The following ADAM19 variants were observed in gnomAD, a reference collection of about 807,000 sequenced individuals.
ADAM19 encodes the protein ADAM metallopeptidase domain 19, also known as disintegrin and metalloproteinase domain-containing protein 19.
ADAM19 carries 65 observed loss-of-function variants against 114.7 expected under a neutral mutation model. That is an observed-to-expected ratio of 0.57 (90% CI 0.46 to 0.70). ADAM19 has a LOEUF of 0.70. ADAM19 is among the 30% of genes least tolerant of loss of function. The pLI is 0.00. For missense variants in ADAM19, 1,063 were observed against 1,204.7 expected (o/e 0.88, Z 1.74); for synonymous variants, 466 against 460.5 (o/e 1.01, Z -0.15).
chr5:157,534,603 AG>A (rs1166044114), intron 4 of ADAM19, among the ~76,000 whole-genome samples: 1 of 152,166 alleles, frequency 6.6e-6, no homozygotes, highest in African/African-American at 2.4e-5. Context: ...GGCTGCAGTG[AG>A]CTATGATCAT....
chr5:157,507,721 G>T (rs61516797), intron 9 of ADAM19, among the ~76,000 whole-genome samples: 2,940 of 152,304 alleles, frequency 0.019, 116 homozygotes, highest in African/African-American at 0.067. Flanking sequence ...ATGCAAGAAT[G>T]AGCTGTTTCT....
chr5:157,488,947 G>A (rs1253056262), intron 20 of ADAM19, among the ~76,000 whole-genome samples, 155 bp downstream of exon 20: 2 of 152,248 alleles, frequency 1.3e-5, no homozygotes, highest in Non-Finnish European at 2.9e-5. Context: ...GGAGAATGGC[G>A]TGAACCCTGG....
chr5:157,568,077 G>C (rs896178294), intron 2 of ADAM19: 1 of 151,976 alleles, frequency 6.6e-6, no homozygotes, highest in African/African-American at 2.4e-5. Context: ...CAGGGTTCAA[G>C]CCATTCTCAT....
In ADAM19 at chr5:157,479,424, G is replaced by A. The variant is rs950666836; in HGVS notation, c.*1525C>T. 8.1e-6 allele frequency: 8 copies of A among 985,928 alleles called. No individual in the cohort carries two copies. In the African/African-American group the frequency reaches 1.4e-4, roughly 17 times the overall value. The allele number at this position is 985,928 out of a possible 1,614,324, so 61.1% of individuals were successfully genotyped here. ...GGGAGGAGGCCCCAGGAAAGCCTCAGAGGAGTGAGAGTCAGGCCAGCTCCT... is the reference window on the plus strand; with the variant it reads ...GGGAGGAGGCCCCAGGAAAGCCTCAAAGGAGTGAGAGTCAGGCCAGCTCCT... On this transcript the variant is annotated 3_prime_UTR_variant, in exon 23 of 23. Coordinates refer to ENST00000257527, the MANE Select transcript of ADAM19 (RefSeq NM_033274.5).
At chr5:157,510,300 C>G (rs1755876338) in intron 8 of ADAM19, among the ~76,000 whole-genome samples, 1 of 152,102 alleles carries the variant, frequency 6.6e-6, no homozygotes. Context: ...CATGGAGAAA[C>G]CCCATCTCTA....
At chr5:157,555,635 C>T (rs375258032) in intron 3 of ADAM19, among the ~76,000 whole-genome samples, 9 of 152,304 alleles carry the variant, frequency 5.9e-5, no homozygotes, top group African/African-American at 2.2e-4. Flanking sequence ...GTACTAAGTG[C>T]ATTGTCATAC....
chr5:157,492,023 G>A, intron 16 of ADAM19, 111 bp from the exon 17 acceptor site: 1 of 988,996 alleles, frequency 1.0e-6, no homozygotes, highest in South Asian at 1.4e-5. Context: ...CCGGCCTGGT[G>A]GCTCACGCCT....
chr5:157,530,928 G>A, intron 4 of ADAM19, 45 bp from the exon 5 acceptor site: 1 of 1,505,918 alleles, frequency 6.6e-7, no homozygotes, highest in Non-Finnish European at 9.2e-7. Context: ...ACACTGATAA[G>A]CATGGCAATG....
chr5:157,556,065 G>A (rs1215508995), intron 3 of ADAM19, among the ~76,000 whole-genome samples: 2 of 152,176 alleles, frequency 1.3e-5, no homozygotes, highest in Non-Finnish European at 2.9e-5. Context: ...TGTTTGAGAC[G>A]GAGTCTCGCT....
chr5:157,479,254 T>C lies in ADAM19; in HGVS notation c.*1695A>G. 1.0e-6 allele frequency: 1 copy of C among 985,874 alleles called. No individual in the cohort carries two copies. Among genetic ancestry groups the C allele is most frequent in the Non-Finnish European group, 1.2e-6 (1 of 829,932 alleles). 61.1% of individuals were successfully genotyped at this position (985,874 alleles called of 1,614,324 possible). On this transcript the variant is annotated 3_prime_UTR_variant, in exon 23 of 23. Coordinates refer to ENST00000257527, the MANE Select transcript of ADAM19 (RefSeq NM_033274.5). ...TCCCCCAGGGGTACATCCCGTATTT[T>C]CCACTTATTTCCAAACCCAAGAACA...
chr5:157,557,615 C>A (rs1051661888), intron 3 of ADAM19, among the ~76,000 whole-genome samples: 1 of 152,162 alleles, frequency 6.6e-6, no homozygotes, highest in African/African-American at 2.4e-5. Context: ...AAATAAGCAA[C>A]AAATTTACTT....
At position 157,481,141 on chromosome 5, in the gene ADAM19, A is replaced by G. The variant is rs1411674712; in HGVS notation, c.2704-139T>C. 7 of 1,115,776 alleles carry G rather than the reference A, an allele frequency of 6.3e-6. No individual in the cohort carries two copies. In the Admixed American group the frequency reaches 1.5e-4, roughly 24 times the overall value. The allele number at this position is 1,115,776 out of a possible 1,614,324, so 69.1% of individuals were successfully genotyped here. ...CAAAGGCTTCTTGTGAAGTCCATCC[A>G]TGTGTCCACTCACCCAGACCATCAG... On this transcript the variant is annotated intron_variant, in intron 22 of 22. Coordinates refer to ENST00000257527, the MANE Select transcript of ADAM19 (RefSeq NM_033274.5).
chr5:157,507,100 G>C lies in ADAM19; in HGVS notation c.946C>G (p.Leu316Val), dbSNP rs370143181. 5.5e-5 allele frequency: 89 copies of C among 1,613,934 alleles called. No homozygotes were observed. Among genetic ancestry groups the C allele is most frequent in the Non-Finnish European group, 7.0e-5 (83 of 1,179,976 alleles). Residue 316 changes from leucine to valine, a missense_variant, in exon 10 of 23, where the codon CTC becomes GTC. Leu to Val is a conservative substitution (Grantham distance 32). This residue lies in a region of ADAM19 where 615 missense variants were observed against 706.3 expected (regional missense o/e 0.87). Transcript: ENST00000257527. ...FHGTTIGLAPLMAMCSVYQSG... is the reference protein window; with the variant it reads ...FHGTTIGLAPVMAMCSVYQSG... ...TGGTACACAGAGCACATGGCCATGAGGGGGGCCAGGCCGATGGTGGTGCCG... is the reference window on the plus strand; with the variant it reads ...TGGTACACAGAGCACATGGCCATGACGGGGGCCAGGCCGATGGTGGTGCCG...
At chr5:157,484,010 C>G (rs1754848157) in intron 21 of ADAM19, among the ~76,000 whole-genome samples, 1 of 148,932 alleles carries the variant, frequency 6.7e-6, no homozygotes, top group Admixed American at 6.8e-5. Flanking sequence ...AAAATTTAAA[C>G]AAAGCAGCAG....
rs1757225218 is a variant in ADAM19 at position 157,552,404 on chromosome 5, C to A, written c.251+11969G>T. On this transcript the variant is annotated intron_variant, in intron 3 of 22. Coordinates refer to ENST00000257527, the MANE Select transcript of ADAM19 (RefSeq NM_033274.5). ...CGGTGGCTCATGCCTGTAATCCTAG[C>A]ACTTTGGGAGGCTGAGGTGGGTGGA... is the stretch of plus-strand genomic sequence containing the variant. Among the ~76,000 whole-genome samples the A allele has an allele frequency of 2.6e-5, 4 of 152,034 alleles. No individual in the cohort carries two copies. The South Asian group carries it at 6.2e-4, about 24-fold the overall frequency.
rs994555944 is a variant in ADAM19 at position 157,551,220 on chromosome 5, C to T, written c.251+13153G>A. 7.9e-5 allele frequency among the ~76,000 whole-genome samples: 12 copies of T among 152,114 alleles called. 1 individual carries two copies. The highest frequency in any genetic ancestry group is 6.5e-4 in the Admixed American group (10 of 15,288). ...AGGAGTTGCAGACCAGCCTGGCCAA[C>T]ATGGTGAAATCCTGTCTCTACTAAA... On this transcript the variant is annotated intron_variant, in intron 3 of 22. Coordinates refer to ENST00000257527, the MANE Select transcript of ADAM19 (RefSeq NM_033274.5).
chr5:157,490,499 G>C, intron 18 of ADAM19, 45 bp from the exon 19 acceptor site: 1 of 1,597,830 alleles, frequency 6.3e-7, no homozygotes, highest in Non-Finnish European at 8.6e-7. Context: ...AGCTGTCTCG[G>C]CTACAGCAGA....
chr5:157,480,602 G>T lies in ADAM19; in HGVS notation c.*347C>A. 9.0e-7 allele frequency: 1 copy of T among 1,116,280 alleles called. No individual in the cohort carries two copies. Among genetic ancestry groups the T allele is most frequent in the East Asian group, 6.4e-5 (1 of 15,664 alleles). The allele number at this position is 1,116,280 out of a possible 1,614,324, so 69.1% of individuals were successfully genotyped here. A position where few individuals can be genotyped will look rare whatever the true frequency, so the allele number is the denominator to read the frequency against. The stretch of plus-strand genomic sequence containing the variant: ...AATGGATGGCTTCTGCAAGCGAAGT[G>T]CTGGCCTGAGGGGCTTGCTGGCCTT... On this transcript the variant is annotated 3_prime_UTR_variant, in exon 23 of 23. Coordinates refer to ENST00000257527, the MANE Select transcript of ADAM19 (RefSeq NM_033274.5).
intron 3 of ADAM19, among the ~76,000 whole-genome samples, chr5:157,543,428 C>T (rs938802194): frequency 3.3e-5 from 5 of 152,112 alleles, no homozygotes; most frequent in African/African-American, 7.2e-5. Flanking sequence ...GTAACTTCTC[C>T]GTGCCTATGG....
Sources: allele counts gnomAD v4.1 joint callset (sites outside exome capture counted in the v4.1 genomes callset), GRCh38; gene constraint gnomAD v4.1.1; regional missense constraint gnomAD v4.1.1; transcripts MANE v1.5; gene names NCBI Gene and HGNC (gene_info 2026-07-23, HGNC 2026-07-21).